Variants in SI observed in about 807,000 individuals in gnomAD.
The protein encoded by SI is sucrase-isomaltase, intestinal.
SI carries 235 observed loss-of-function variants against 253.3 expected under a neutral mutation model. The observed-to-expected ratio is 0.93, with a 90% CI of 0.83 to 1.03. The LOEUF (loss-of-function observed/expected upper bound fraction) is 1.03. Ranked by LOEUF, SI falls within the 50% of genes least tolerant of loss-of-function variation. The pLI, the probability that SI is intolerant of heterozygous loss-of-function variation, is 0.00. For missense variants in SI, 2,442 were observed against 2,211.1 expected, an observed-to-expected ratio of 1.10 and a Z score of -2.09; for synonymous variants, 819 against 712.0, an observed-to-expected ratio of 1.15 and a Z score of -2.39.
chr3:165,025,321 T>G (rs1711854900), intron 25 of SI, among the ~76,000 whole-genome samples: 1 of 151,134 alleles, frequency 6.6e-6, no homozygotes, highest in African/African-American at 2.4e-5. Context: ...GAAGACAATA[T>G]GAACACAGCC....
chr3:165,063,871 C>G (rs1418040873), intron 7 of SI, among the ~76,000 whole-genome samples: 2 of 150,100 alleles, frequency 1.3e-5, no homozygotes, highest in Admixed American at 6.7e-5. Context: ...GAGATTGAAA[C>G]CATCCTGGCT....
At chr3:165,087,790 T>G in the SI span, among the ~76,000 whole-genome samples, 1 of 152,172 alleles carries the variant, frequency 6.6e-6, no homozygotes, top group African/African-American at 2.4e-5. Context: ...CATAAAAACG[T>G]GGATGGTATA....
Position 164,979,316 on chromosome 3 carries a change from A to G in SI, c.*46T>C. On this transcript the variant is annotated 3_prime_UTR_variant, in exon 48 of 48. Coordinates refer to ENST00000264382, the MANE Select transcript of SI (RefSeq NM_001041.4). ...AAAATTGTAAGTGCTGTGAAACTTA[A>G]ATCCTGGTGTTTTTTCCCATTGACA... The G allele has an allele frequency of 9.0e-7, 1 of 1,112,608 alleles. No homozygotes were observed. Among genetic ancestry groups the G allele is most frequent in the Non-Finnish European group, 1.4e-6 (1 of 726,556 alleles). 68.9% of individuals were successfully genotyped at this position (1,112,608 alleles called of 1,614,324 possible).
intron 1 of SI, among the ~76,000 whole-genome samples, chr3:165,076,677 A>G (rs1189217997): frequency 6.6e-6 from 1 of 151,766 alleles, no homozygotes; most frequent in Non-Finnish European, 1.5e-5. Context: ...TGAGATATAC[A>G]AAACTCTTAT....
rs1422779752 is a variant in SI at position 164,989,433 on chromosome 3, A to AAAGGAAGGAAGG, written c.5108+1919_5108+1920insCCTTCCTTCCTT. 4.5e-5 allele frequency among the ~76,000 whole-genome samples: 6 copies of AAAGGAAGGAAGG among 132,876 alleles called. No individual in the cohort carries two copies. In the East Asian group the frequency reaches 1.2e-3, roughly 28 times the overall value. The allele number at this position is 132,876 out of a possible 152,430, so 87.2% of individuals were successfully genotyped here. Reference sequence around the variant, plus strand: ...GAAAGAAAGAAAGAAAGAAAGAAAGAAAGGAAAGAAAGAAGAGAGGAGAGG... The same window carrying AAAGGAAGGAAGG: ...GAAAGAAAGAAAGAAAGAAAGAAAGAAAGGAAGGAAGGAAGGAAAGAAAGAAGAGAGGAGAGG... On this transcript the variant is annotated intron_variant, in intron 44 of 47. Transcript: ENST00000264382.
chr3:165,039,118 C>T lies in SI; in HGVS notation c.2261G>A (p.Ser754Asn), dbSNP rs1712685478. 2 of 1,589,422 alleles carry T rather than the reference C, an allele frequency of 1.3e-6. No individual in the cohort carries two copies. Among genetic ancestry groups the T allele is most frequent in the East Asian group, 2.2e-5 (1 of 44,446 alleles). ...CCAAATAGCATCAGGGATGTAGGCA[C>T]TCACAGTATCTGCTCCCTAAAATAA... Reference protein sequence around the residue: ...PVLKQGADTVSAYIPDAIWYD... With the variant: ...PVLKQGADTVNAYIPDAIWYD... The change falls in exon 20 of 48, where the codon AGT becomes AAT. Residue 754 changes from serine (S) to asparagine (N), a missense_variant. Physicochemically the swap from Ser to Asn is conservative, Grantham distance 46 (BLOSUM62 1). Coordinates refer to ENST00000264382, the MANE Select transcript of SI (RefSeq NM_001041.4).
intron 22 of SI, among the ~76,000 whole-genome samples, chr3:165,034,674 ATGTGTT>A (rs1003170397): frequency 9.1e-4 from 138 of 151,930 alleles, no homozygotes; most frequent in African/African-American, 3.2e-3. Context: ...ATACAGGATA[ATGTGTT>A]TGTGTGTGTG....
chr3:165,009,221 T>C (rs988162420), intron 35 of SI, 58 bp downstream of exon 35: 3 of 1,134,592 alleles, frequency 2.6e-6, no homozygotes, highest in African/African-American at 3.1e-5. Flanking sequence ...AGTACTAATT[T>C]TGCATAATCA....
At chr3:164,981,816 T>C (rs533761465) in intron 47 of SI, among the ~76,000 whole-genome samples, 4 of 152,316 alleles carry the variant, frequency 2.6e-5, no homozygotes, top group African/African-American at 7.2e-5. Context: ...TGATTCCTTG[T>C]GTATTATCTG....
At chr3:165,058,773 A>G (rs1466916781) in intron 12 of SI, among the ~76,000 whole-genome samples, 190 bp downstream of exon 12, 3 of 151,520 alleles carry the variant, frequency 2.0e-5, no homozygotes, top group African/African-American at 4.8e-5. Flanking sequence ...TCTTATAAGA[A>G]CTGTTTTATA....
intron 15 of SI, 24 bp downstream of exon 15, chr3:165,049,103 G>A (rs761571526): frequency 1.7e-6 from 2 of 1,183,304 alleles, no homozygotes; most frequent in South Asian, 1.2e-5. Context: ...TATGAAAGAA[G>A]TCTTTGAATG....
At chr3:165,001,679 C>T (rs915080339) in intron 37 of SI, among the ~76,000 whole-genome samples, 2 of 151,368 alleles carry the variant, frequency 1.3e-5, no homozygotes, top group African/African-American at 4.8e-5. Context: ...GAAAGACATG[C>T]ATTTACTATC....
At chr3:165,006,318 C>T (rs1187781855) in intron 37 of SI, among the ~76,000 whole-genome samples, 1 of 152,026 alleles carries the variant, frequency 6.6e-6, no homozygotes, top group Admixed American at 6.6e-5. Context: ...CCATTTTGGC[C>T]AGGCTGATCT....
intron 33 of SI, 99 bp downstream of exon 33, chr3:165,015,024 T>C (rs1195313844): frequency 1.2e-6 from 1 of 823,436 alleles, no homozygotes; most frequent in Non-Finnish European, 2.0e-6. Flanking sequence ...CATTTCTGTA[T>C]AGCTCTCCTG....
chr3:164,992,149 A>G (rs1267468486), intron 43 of SI, 28 bp downstream of exon 43: 1 of 1,575,582 alleles, frequency 6.3e-7, no homozygotes, highest in South Asian at 1.1e-5. Context: ...CTGTTTAGTT[A>G]ATTCCCCAGA....
At chr3:165,032,802 C>A in intron 23 of SI, 110 bp from the exon 24 acceptor site, 2 of 648,044 alleles carry the variant, frequency 3.1e-6, no homozygotes, top group South Asian at 2.0e-5. Flanking sequence ...TCTCTATTCC[C>A]ACCAGCTCTC....
intron 1 of SI, 128 bp from the exon 2 acceptor site, chr3:165,076,140 C>A (rs987761750): frequency 1.7e-6 from 1 of 604,102 alleles, no homozygotes; most frequent in Admixed American, 3.6e-5. Flanking sequence ...ACAGCACTTA[C>A]ATAATATCCT....
intron 21 of SI, among the ~76,000 whole-genome samples, chr3:165,036,939 C>T (rs1345742370): frequency 6.7e-6 from 1 of 149,910 alleles, no homozygotes; most frequent in Non-Finnish European, 1.5e-5. Flanking sequence ...ATGATTATAA[C>T]AGGAGTAATG....
Position 165,059,235 on chromosome 3 carries a change from G to C in SI, c.1211C>G (p.Ala404Gly), listed in dbSNP as rs202151060. 35 of 1,612,362 alleles carry C rather than the reference G, an allele frequency of 2.2e-5. No homozygotes were observed. Among genetic ancestry groups the C allele is most frequent in the Non-Finnish European group, 3.0e-5 (35 of 1,179,066 alleles). The change falls in exon 11 of 48, where the codon GCG becomes GGG. Residue 404 changes from alanine (A) to glycine (G), a missense_variant. Physicochemically the swap from Ala to Gly is moderately conservative, Grantham distance 60 (BLOSUM62 0). Coordinates refer to ENST00000264382, the MANE Select transcript of SI (RefSeq NM_001041.4). The stretch of plus-strand genomic sequence containing the variant: ...CACAAATTGAGGGAGTCCGTTAAAC[G>C]CAACTTGATCATAAGTAAAGTCTTT... Reference protein sequence around the residue: ...DKKDFTYDQVAFNGLPQFVQD... With the variant: ...DKKDFTYDQVGFNGLPQFVQD...
Sources: allele counts gnomAD v4.1 joint callset (sites outside exome capture counted in the v4.1 genomes callset), GRCh38; gene constraint gnomAD v4.1.1; transcripts MANE v1.5; gene names NCBI Gene and HGNC (gene_info 2026-07-23, HGNC 2026-07-21).